Variants in GSK3B observed in about 807,000 individuals in gnomAD.
GSK3B encodes glycogen synthase kinase-3 beta.
Under a neutral mutation model 56.4 loss-of-function variants are expected in GSK3B, and 15 were observed. That is an observed-to-expected ratio of 0.27 (90% CI 0.18 to 0.41). The LOEUF (loss-of-function observed/expected upper bound fraction) is 0.41. Ranked by LOEUF, GSK3B falls within the 10% of genes least tolerant of loss-of-function variation. The probability of loss-of-function intolerance (pLI) is 1.00; values close to 1 mark genes in which losing one functional copy is unlikely to be tolerated. For synonymous variants in GSK3B, 181 were observed against 188.9 expected (o/e 0.96, Z 0.34); for missense variants, 300 against 513.4 (o/e 0.58, Z 4.02).
intron 2 of GSK3B, among the ~76,000 whole-genome samples, chr3:119,960,415 A>C (rs1576230658): frequency 1.3e-5 from 2 of 152,296 alleles, no homozygotes; most frequent in South Asian, 4.1e-4. Context: ...TGTAATAAAA[A>C]AAAAATAGAA....
chr3:119,992,954 C>T (rs1211140901), intron 2 of GSK3B, among the ~76,000 whole-genome samples: 1 of 151,380 alleles, frequency 6.6e-6, no homozygotes, highest in Non-Finnish European at 1.5e-5. Context: ...TATGGACCAA[C>T]AGGCACTCAT....
intron 1 of GSK3B, among the ~76,000 whole-genome samples, chr3:120,008,513 ATAG>A (rs2057749439): frequency 6.6e-6 from 1 of 152,226 alleles, no homozygotes. Flanking sequence ...AAACAGATAT[ATAG>A]ACCAAAGGGA....
At chr3:119,886,141 A>G (rs2056433731) in intron 7 of GSK3B, among the ~76,000 whole-genome samples, 1 of 152,096 alleles carries the variant, frequency 6.6e-6, no homozygotes, top group African/African-American at 2.4e-5. Context: ...AAACTACACA[A>G]CTGACAGAGG....
chr3:119,891,607 A>C (rs2056502940), intron 7 of GSK3B, among the ~76,000 whole-genome samples: 1 of 152,050 alleles, frequency 6.6e-6, no homozygotes, highest in Non-Finnish European at 1.5e-5. Flanking sequence ...AGAGATGGAA[A>C]TTTTTTTTCC....
chr3:119,982,779 C>T (rs1650259908), intron 2 of GSK3B, among the ~76,000 whole-genome samples: 1 of 152,206 alleles, frequency 6.6e-6, no homozygotes, highest in South Asian at 2.1e-4. Flanking sequence ...TTGGAAAACA[C>T]TCTGCAGGAT....
In GSK3B at chr3:119,923,450, A is replaced by G; in HGVS notation, c.400T>C (p.Tyr134His). 6.2e-7 allele frequency: 1 copy of G among 1,602,102 alleles called. No individual in the cohort carries two copies. The highest frequency in any genetic ancestry group is 8.5e-7 in the Non-Finnish European group (1 of 1,170,640). ...ACTCTGTATACTGTTTCCGGAACAT[A>G]GTCCAGCACCAGATTAAGATAGACC... ...DEVYLNLVLD[Y>H]VPETVYRVAR... The change falls in exon 4 of 11, where the codon TAT (tyrosine) becomes CAT (histidine). Residue 134 changes from tyrosine (Y) to histidine (H), a missense_variant. Around this residue, in one of 6 missense-constraint regions of GSK3B, gnomAD observed 62 missense variants for 84.0 expected, o/e 0.74. Coordinates refer to ENST00000264235, the MANE Select transcript of GSK3B (RefSeq NM_001146156.2).
At chr3:120,061,210 A>T (rs1255375615) in intron 1 of GSK3B, among the ~76,000 whole-genome samples, 1 of 152,248 alleles carries the variant, frequency 6.6e-6, no homozygotes, top group Non-Finnish European at 1.5e-5. Context: ...CCAGAAATAA[A>T]TTATTTTATA....
chr3:120,001,722 G>A (rs1380857727), intron 2 of GSK3B, among the ~76,000 whole-genome samples: 3 of 152,110 alleles, frequency 2.0e-5, no homozygotes, highest in African/African-American at 7.2e-5. Context: ...TGTTCCTCTG[G>A]TCTACATCAA....
chr3:119,987,156 TCA>T (rs745360580), intron 2 of GSK3B, among the ~76,000 whole-genome samples: 2 of 152,058 alleles, frequency 1.3e-5, no homozygotes, highest in Non-Finnish European at 2.9e-5. Flanking sequence ...GCAGGGAACA[TCA>T]CACACTGGGG....
At chr3:120,076,079 C>T (rs116455472) in intron 1 of GSK3B, among the ~76,000 whole-genome samples, 1,565 of 152,174 alleles carry the variant, frequency 0.01, 23 homozygotes, top group African/African-American at 0.036. Flanking sequence ...AAACATAGAC[C>T]GTCAACTATG....
chr3:119,919,207 A>G (rs2056811476), intron 4 of GSK3B, among the ~76,000 whole-genome samples: 1 of 152,160 alleles, frequency 6.6e-6, no homozygotes, highest in African/African-American at 2.4e-5. Flanking sequence ...GAAAAAGTGA[A>G]AGGCAATTAT....
At chr3:120,044,680 T>A (rs1291298684) in intron 1 of GSK3B, among the ~76,000 whole-genome samples, 1 of 152,202 alleles carries the variant, frequency 6.6e-6, no homozygotes, top group Admixed American at 6.5e-5. Context: ...ATAGATTACA[T>A]CTATTATAAT....
intron 3 of GSK3B, among the ~76,000 whole-genome samples, 171 bp from the exon 4 acceptor site, chr3:119,923,654 A>C (rs1274278944): frequency 6.6e-6 from 1 of 152,224 alleles, no homozygotes; most frequent in African/African-American, 2.4e-5. Context: ...ATAATAAAAC[A>C]AGTCAACCAC....
intron 9 of GSK3B, among the ~76,000 whole-genome samples, chr3:119,854,265 A>T (rs967649654): frequency 6.6e-6 from 1 of 152,198 alleles, no homozygotes; most frequent in Non-Finnish European, 1.5e-5. Context: ...CCCAGGGATG[A>T]AGCCCACCTG....
At chr3:120,091,959 T>G (rs2058516312) in intron 1 of GSK3B, among the ~76,000 whole-genome samples, 1 of 152,218 alleles carries the variant, frequency 6.6e-6, no homozygotes, top group Non-Finnish European at 1.5e-5. Context: ...TTATGTTGCC[T>G]AAGAATATAA....
At chr3:120,055,681 T>C (rs951626001) in intron 1 of GSK3B, among the ~76,000 whole-genome samples, 2 of 152,176 alleles carry the variant, frequency 1.3e-5, no homozygotes, top group African/African-American at 4.8e-5. Flanking sequence ...CTGTTTTCAA[T>C]GAACAGTGAG....
rs55998322 is a variant in GSK3B at position 119,862,499 on chromosome 3, A to G, written c.1096+920T>C. On this transcript the variant is annotated intron_variant, in intron 9 of 10. Coordinates refer to ENST00000264235, the MANE Select transcript of GSK3B (RefSeq NM_001146156.2). Reference sequence around the variant, plus strand: ...TGTAACTAACCTGCACAATGTGCACATGTACCCTAAAACTTAGAGTATAAT... The same window carrying G: ...TGTAACTAACCTGCACAATGTGCACGTGTACCCTAAAACTTAGAGTATAAT... Among the ~76,000 whole-genome samples, 511 of 114,742 alleles carry G rather than the reference A, an allele frequency of 4.5e-3. 2 individuals are homozygous for G. Among genetic ancestry groups the G allele is most frequent in the African/African-American group, 0.015 (481 of 32,838 alleles). 75.3% of individuals were successfully genotyped at this position (114,742 alleles called of 152,430 possible).
chr3:119,826,872 C>T lies in GSK3B; in HGVS notation c.1196-17G>A. ...TATTAGCATCTGCAAGTCAAAAAGT[C>T]CCAAGAGAGAGCATGAGCAATGCTA... On this transcript the variant is annotated splice_polypyrimidine_tract_variant and intron_variant, in intron 10 of 10. Coordinates refer to ENST00000264235, the MANE Select transcript of GSK3B (RefSeq NM_001146156.2). 1 of 1,546,328 alleles carries T rather than the reference C, an allele frequency of 6.5e-7. No homozygotes were observed. The highest frequency in any genetic ancestry group is 1.1e-5 in the South Asian group (1 of 89,416).
chr3:119,828,056 A>G (rs993670099), intron 10 of GSK3B, among the ~76,000 whole-genome samples: 1 of 152,182 alleles, frequency 6.6e-6, no homozygotes, highest in Admixed American at 6.5e-5. Context: ...CCATGTCTAT[A>G]TCAAAATATC....
Sources: allele counts gnomAD v4.1 joint callset (sites outside exome capture counted in the v4.1 genomes callset), GRCh38; gene constraint gnomAD v4.1.1; regional missense constraint gnomAD v4.1.1; transcripts MANE v1.5; gene names NCBI Gene and HGNC (gene_info 2026-07-23, HGNC 2026-07-21).